ACSF3: variants seen among roughly 807,000 people sequenced by gnomAD.
ACSF3 encodes the protein malonate--CoA ligase ACSF3, mitochondrial.
A neutral mutation model predicts 53.2 loss-of-function variants in ACSF3; 78 were observed. That is an observed-to-expected ratio of 1.47 (90% confidence interval 1.22 to 1.77). The LOEUF (loss-of-function observed/expected upper bound fraction) is 1.77, where lower values mean the gene tolerates loss of function less well. Ranked by LOEUF, ACSF3 falls within the 40% of genes most tolerant of loss-of-function variation. The pLI is 0.00. For synonymous variants in ACSF3, 414 were observed against 333.1 expected (o/e 1.24, Z -2.65); for missense variants, 937 against 771.1 (o/e 1.22, Z -2.55).
Position 89,098,677 on chromosome 16 carries a change from G to T in ACSF3, c.-107G>T, listed in dbSNP as rs1347342077. The T allele has an allele frequency of 2.2e-6, 1 of 454,004 alleles. No individual in the cohort carries two copies. Among genetic ancestry groups the T allele is most frequent in the South Asian group, 1.6e-5 (1 of 64,480 alleles). The allele number at this position is 454,004 out of a possible 1,614,324, so 28.1% of individuals were successfully genotyped here. On this transcript the variant is annotated 5_prime_UTR_variant, in exon 2 of 11. Transcript: ENST00000614302. ...ATTTGCATTGCCTGCACCTTATCGT[G>T]CCCTTCCACCTGCTGAAGCAGCTGT...
rs564847536 is a variant in ACSF3 at position 89,138,935 on chromosome 16, A to G, written c.1366+5673A>G. ...CAAGTAGTTGTAGCAGTTTGAGAAG[A>G]AGAATCACAGCCGTGCCCCTTCCCC... On this transcript the variant is annotated intron_variant, in intron 8 of 10. Transcript: ENST00000614302. 1.9e-3 allele frequency among the ~76,000 whole-genome samples: 293 copies of G among 152,378 alleles called. 1 individual carries two copies. The highest frequency in any genetic ancestry group is 6.7e-3 in the African/African-American group (277 of 41,596).
chr16:89,134,930 G>A (rs916117906), intron 8 of ACSF3, among the ~76,000 whole-genome samples: 1 of 152,210 alleles, frequency 6.6e-6, no homozygotes, highest in Non-Finnish European at 1.5e-5. Context: ...TTGGATAGCA[G>A]ACGTGCGTGG....
At chr16:89,103,385 G>A (rs1488454970) in intron 4 of ACSF3, among the ~76,000 whole-genome samples, 2 of 152,244 alleles carry the variant, frequency 1.3e-5, no homozygotes, top group Non-Finnish European at 2.9e-5. Flanking sequence ...AGGCTCCAGG[G>A]CAAAGTCCGT....
chr16:89,139,756 G>A (rs1224998007), intron 8 of ACSF3, among the ~76,000 whole-genome samples: 1 of 151,786 alleles, frequency 6.6e-6, no homozygotes, highest in Non-Finnish European at 1.5e-5. Flanking sequence ...CACCACACCT[G>A]GCTGATTTTT....
chr16:89,121,413 G>A (rs941863585), intron 7 of ACSF3, among the ~76,000 whole-genome samples: 7 of 152,236 alleles, frequency 4.6e-5, no homozygotes, highest in African/African-American at 1.2e-4. Context: ...CCTGTGCAGT[G>A]CTCTGTGGCT....
chr16:89,117,677 C>T (rs1905407065), intron 6 of ACSF3, among the ~76,000 whole-genome samples: 1 of 152,032 alleles, frequency 6.6e-6, no homozygotes, highest in African/African-American at 2.4e-5. Context: ...GCCGTCCACA[C>T]CGAGGGCGCC....
intron 8 of ACSF3, chr16:89,136,418 T>C (rs1345023778): frequency 1.1e-6 from 1 of 929,598 alleles, no homozygotes; most frequent in Admixed American, 3.7e-5. Context: ...CCGCATGTCT[T>C]TGTCACAGGC....
At chr16:89,115,322 A>AG (rs975140735) in intron 6 of ACSF3, 3 of 152,384 alleles carry the variant, frequency 2.0e-5, no homozygotes, top group African/African-American at 7.2e-5. Context: ...CCTAGTGCTC[A>AG]GCACCTCCTC....
In ACSF3 at chr16:89,100,645, G is replaced by T. The variant is rs747180472; in HGVS notation, c.-20-17G>T. On this transcript the variant is annotated splice_polypyrimidine_tract_variant and intron_variant, in intron 2 of 10. Coordinates refer to ENST00000614302, the MANE Select transcript of ACSF3 (RefSeq NM_001243279.3). ...GGACAGTTGGGCACTCACGTCCTGT[G>T]CCTTGCCTTTCTCCAGCTCGGCCGC... is the stretch of plus-strand genomic sequence containing the variant. 1.4e-5 allele frequency: 7 copies of T among 516,664 alleles called. No homozygotes were observed. Among genetic ancestry groups the T allele is most frequent in the Non-Finnish European group, 1.9e-5 (6 of 317,888 alleles). The allele number at this position is 516,664 out of a possible 1,614,324, so 32.0% of individuals were successfully genotyped here.
At chr16:89,121,445 T>C (rs575459703) in intron 7 of ACSF3, among the ~76,000 whole-genome samples, 1 of 152,326 alleles carries the variant, frequency 6.6e-6, no homozygotes, top group South Asian at 2.1e-4. Context: ...TTGTGCGTTA[T>C]TCTAAAGCTG....
rs750983260 is a variant in ACSF3 at position 89,154,548 on chromosome 16, A to G, written c.*341A>G. 41 of 426,866 alleles carry G rather than the reference A, an allele frequency of 9.6e-5. 1 individual carries two copies. The highest frequency in any genetic ancestry group is 6.2e-4 in the Middle Eastern group (1 of 1,620). The allele number at this position is 426,866 out of a possible 1,614,324, so 26.4% of individuals were successfully genotyped here. Reference sequence around the variant, plus strand: ...CCAGGCTCTCCAGGGCAGGTCCCAGAGGTTTCCCACAAAAAACAAAGACTC... The same window carrying G: ...CCAGGCTCTCCAGGGCAGGTCCCAGGGGTTTCCCACAAAAAACAAAGACTC... On this transcript the variant is annotated 3_prime_UTR_variant, in exon 11 of 11. Coordinates refer to ENST00000614302, the MANE Select transcript of ACSF3 (RefSeq NM_001243279.3).
At chr16:89,094,281 C>G (rs1974352915) in intron 1 of ACSF3, among the ~76,000 whole-genome samples, 1 of 152,134 alleles carries the variant, frequency 6.6e-6, no homozygotes, top group Non-Finnish European at 1.5e-5. Flanking sequence ...CGTGTTCAGG[C>G]ATCCTCAGAA....
intron 8 of ACSF3, among the ~76,000 whole-genome samples, chr16:89,142,006 G>A (rs919460371): frequency 3.9e-5 from 6 of 152,182 alleles, no homozygotes; most frequent in African/African-American, 1.4e-4. Flanking sequence ...GCCTTTTTCC[G>A]ACAGGTATAG....
intron 5 of ACSF3, 110 bp from the exon 6 acceptor site, chr16:89,114,229 G>A (rs1597953639): frequency 6.7e-7 from 1 of 1,489,760 alleles, no homozygotes; most frequent in East Asian, 2.3e-5. Context: ...TCGTGAAGGA[G>A]CTGCCACTTT....
chr16:89,113,839 C>T, intron 5 of ACSF3: 1 of 276,076 alleles, frequency 3.6e-6, no homozygotes, highest in Non-Finnish European at 7.2e-6. Flanking sequence ...TGTGCCCGGC[C>T]CCACCCCTTG....
At chr16:89,106,254 A>G (rs1271861102) in intron 4 of ACSF3, among the ~76,000 whole-genome samples, 2 of 149,754 alleles carry the variant, frequency 1.3e-5, no homozygotes, top group Non-Finnish European at 1.5e-5. Flanking sequence ...CGTTTTTGAC[A>G]CTTACTTGGG....
At chr16:89,105,971 A>G (rs1975929649) in intron 4 of ACSF3, among the ~76,000 whole-genome samples, 1 of 152,222 alleles carries the variant, frequency 6.6e-6, no homozygotes, top group South Asian at 2.1e-4. Context: ...CACTGCATGA[A>G]TGACACCACC....
At chr16:89,151,117 C>A (rs924011053) in intron 10 of ACSF3, 3 of 1,150,190 alleles carry the variant, frequency 2.6e-6, no homozygotes, top group Non-Finnish European at 3.5e-6. Context: ...CGGGCTCTGA[C>A]GGGCAGGATG....
At chr16:89,096,158 A>G (rs1431458491) in intron 1 of ACSF3, among the ~76,000 whole-genome samples, 2 of 152,140 alleles carry the variant, frequency 1.3e-5, no homozygotes, top group African/African-American at 2.4e-5. Flanking sequence ...GCTTCTGACT[A>G]GAGTCCTTGC....
Sources: gnomAD v4.1 joint callset for allele counts (sites outside exome capture counted in the v4.1 genomes callset) on GRCh38, gnomAD v4.1.1 for gene constraint, MANE v1.5 for transcripts, NCBI Gene and HGNC (gene_info 2026-07-23, HGNC 2026-07-21) for gene names.